Variants in PCDHGB1 observed in about 807,000 individuals in gnomAD.
PCDHGB1 encodes the protein protocadherin gamma subfamily B, 1.
A neutral mutation model predicts 56.6 loss-of-function variants in PCDHGB1; 34 were observed. The observed-to-expected ratio is 0.60, with a 90% confidence interval of 0.46 to 0.80. The LOEUF (loss-of-function observed/expected upper bound fraction) is 0.80, where lower values mean the gene tolerates loss of function less well. PCDHGB1 is among the 30% of genes least tolerant of loss of function. PCDHGB1 has a pLI of 0.00. For synonymous variants in PCDHGB1, 561 were observed against 505.9 expected (o/e 1.11, Z -1.46); for missense variants, 1,278 against 1,204.6 (o/e 1.06, Z -0.90).
chr5:141,352,413 A>C lies in PCDHGB1; in HGVS notation c.2153A>C (p.Asp718Ala), dbSNP rs1759005544. ...CGCCTGCGACGTTCCTCCAGCCTCGACACTGAGGGCTGCTTTCAAACCGGT... is the reference window on the plus strand; with the variant it reads ...CGCCTGCGACGTTCCTCCAGCCTCGCCACTGAGGGCTGCTTTCAAACCGGT... ...ALRLRRSSSL[D>A]TEGCFQTGLC... The change falls in exon 1 of 4, where the codon GAC (aspartate) becomes GCC (alanine). Residue 718 changes from aspartate to alanine, a missense_variant. Asp to Ala is a moderately radical substitution (Grantham distance 126). Transcript: ENST00000523390. 1.9e-6 allele frequency: 3 copies of C among 1,613,844 alleles called. No individual in the cohort carries two copies. The highest frequency in any genetic ancestry group is 2.2e-5 in the South Asian group (2 of 91,086).
At chr5:141,405,450 T>G in intron 1 of PCDHGB1, 7 of 1,286,684 alleles carry the variant, frequency 5.4e-6, no homozygotes, top group South Asian at 1.4e-5. Flanking sequence ...GACAGAGTCT[T>G]ACTCTGTTAC....
At chr5:141,465,141 A>AT (rs1341872532) in intron 1 of PCDHGB1, among the ~76,000 whole-genome samples, 2 of 151,678 alleles carry the variant, frequency 1.3e-5, no homozygotes, top group Non-Finnish European at 2.9e-5. Flanking sequence ...AGTTTAGGGG[A>AT]TATATGAAGG....
At chr5:141,415,437 G>A in intron 1 of PCDHGB1, 1 of 1,614,200 alleles carries the variant, frequency 6.2e-7, no homozygotes, top group Non-Finnish European at 8.5e-7. Flanking sequence ...GGGCTTTCCT[G>A]CAGACCTATT....
intron 1 of PCDHGB1, chr5:141,419,230 C>G (rs1439568232): frequency 6.2e-7 from 1 of 1,613,910 alleles, no homozygotes; most frequent in Non-Finnish European, 8.5e-7. Context: ...AGTCAGCCTA[C>G]CTGGTCCACG....
At position 141,485,222 on chromosome 5, in the gene PCDHGB1, C is replaced by T; in HGVS notation, c.2410-9585C>T. On this transcript the variant is annotated intron_variant, in intron 1 of 3. Transcript: ENST00000523390. The surrounding 1 kb of genome is among the most constrained non-coding windows in gnomAD (Gnocchi z 5.7). The stretch of plus-strand genomic sequence containing the variant: ...GACAGAAATCTGGCGGTGGGCTACC[C>T]TTTTGTTCCTCTTTTACCACCTGGG... 4 of 1,614,196 alleles carry T rather than the reference C, an allele frequency of 2.5e-6. No homozygotes were observed. Among genetic ancestry groups the T allele is most frequent in the Non-Finnish European group, 2.5e-6 (3 of 1,180,020 alleles).
chr5:141,408,660 C>A, intron 1 of PCDHGB1: 3 of 1,613,980 alleles, frequency 1.9e-6, no homozygotes, highest in Non-Finnish European at 1.7e-6. Flanking sequence ...ACACGACTAT[C>A]GCTTGACCCT....
At chr5:141,412,479 T>G (rs1282087411) in intron 1 of PCDHGB1, 1 of 152,180 alleles carries the variant, frequency 6.6e-6, no homozygotes, top group African/African-American at 2.4e-5. Context: ...TTTAAAAACC[T>G]CTTACACAAT....
At chr5:141,461,830 CTT>C (rs1030113508) in intron 1 of PCDHGB1, among the ~76,000 whole-genome samples, 1 of 145,180 alleles carries the variant, frequency 6.9e-6, no homozygotes, top group Non-Finnish European at 1.5e-5. Context: ...ATTTTTTTTT[CTT>C]TTTTTTTTGA....
intron 1 of PCDHGB1, chr5:141,367,864 T>C (rs960069997): frequency 1.1e-4 from 16 of 152,208 alleles, no homozygotes; most frequent in African/African-American, 3.9e-4. Flanking sequence ...TCTTTAAGTG[T>C]AGGTGCAATT....
At chr5:141,365,599 C>T (rs368039042) in intron 1 of PCDHGB1, 3 of 1,613,520 alleles carry the variant, frequency 1.9e-6, no homozygotes, top group Admixed American at 1.7e-5. Flanking sequence ...TCACTTTAAC[C>T]GTCATGGACC....
chr5:141,471,047 T>C (rs1270779800), intron 1 of PCDHGB1, among the ~76,000 whole-genome samples: 3 of 63,666 alleles, frequency 4.7e-5, no homozygotes. Flanking sequence ...CCAAGCCCTC[T>C]TTTTTTTTTT....
At chr5:141,397,626 C>G (rs539348100) in intron 1 of PCDHGB1, among the ~76,000 whole-genome samples, 27 of 152,256 alleles carry the variant, frequency 1.8e-4, no homozygotes, top group Middle Eastern at 3.4e-3. Context: ...TTAGTTCTAG[C>G]TAAGAGTTCA....
chr5:141,385,325 T>C (rs1781126490), intron 1 of PCDHGB1: 2 of 1,606,594 alleles, frequency 1.2e-6, no homozygotes, highest in Admixed American at 3.4e-5. Flanking sequence ...AGTATTCAGG[T>C]GAGCCCAGCC....
At chr5:141,415,747 T>G (rs774746065) in intron 1 of PCDHGB1, 22 of 797,580 alleles carry the variant, frequency 2.8e-5, no homozygotes, top group Middle Eastern at 5.1e-4. Context: ...AAGGTTTTTT[T>G]TTTTTTTTTT....
chr5:141,420,722 A>T (rs1428516588), intron 1 of PCDHGB1, among the ~76,000 whole-genome samples: 4 of 152,226 alleles, frequency 2.6e-5, no homozygotes, highest in Admixed American at 6.5e-5. Flanking sequence ...CGTTCCTTTC[A>T]GTCGGTTAAA....
In PCDHGB1 at chr5:141,476,316, G is replaced by A. The variant is rs536532455; in HGVS notation, c.2410-18491G>A. On this transcript the variant is annotated intron_variant, in intron 1 of 3. Coordinates refer to ENST00000523390, the MANE Select transcript of PCDHGB1 (RefSeq NM_018922.3). This position sits in a 1 kb window ranked among gnomAD's most constrained non-coding sequence, Gnocchi z 7.6. ...GGTAGCCTCTCAGCCCGCAGGTTCC[G>A]GGTGGTGTCTGGAGCTAGCCGAAGA... is the stretch of plus-strand genomic sequence containing the variant. The A allele has an allele frequency of 6.2e-7, 1 of 1,614,176 alleles. No individual in the cohort carries two copies. The highest frequency in any genetic ancestry group is 1.7e-5 in the Admixed American group (1 of 60,028).
rs148119281 is a variant in PCDHGB1, at chr5:141,511,006, C to T, written c.2617C>T (p.Arg873Cys). The T allele has an allele frequency of 3.5e-5, 56 of 1,614,078 alleles. No individual in the cohort carries two copies. Among genetic ancestry groups the T allele is most frequent in the African/African-American group, 5.3e-5 (4 of 74,922 alleles). The change falls in exon 4 of 4, where the codon CGC (arginine) becomes TGC (cysteine). Residue 873 changes from arginine to cysteine, a missense_variant. By Grantham distance (180) the Arg-to-Cys change is radical. Transcript: ENST00000523390. Reference protein sequence around the residue: ...GGAGTMGLSARYGPQFTLQHV... With the variant: ...GGAGTMGLSACYGPQFTLQHV... ...TGCCGGCACCATGGGATTGAGCGCC[C>T]GCTACGGACCCCAGTTCACCCTGCA...
At chr5:141,375,021 G>C (rs780712160) in intron 1 of PCDHGB1, 3 of 1,614,036 alleles carry the variant, frequency 1.9e-6, no homozygotes, top group Non-Finnish European at 2.5e-6. Context: ...GAGGACTCGA[G>C]TTTTTATGAG....
At chr5:141,425,111 A>C (rs2096857405) in intron 1 of PCDHGB1, among the ~76,000 whole-genome samples, 1 of 152,144 alleles carries the variant, frequency 6.6e-6, no homozygotes, top group Non-Finnish European at 1.5e-5. Flanking sequence ...AGATGCCTAC[A>C]TTTTTCTTGA....
Sources: gnomAD v4.1 joint callset for allele counts (sites outside exome capture counted in the v4.1 genomes callset) on GRCh38, gnomAD v4.1.1 for gene constraint, Gnocchi (gnomAD v3.1) non-coding constraint, MANE v1.5 for transcripts, NCBI Gene and HGNC (gene_info 2026-07-23, HGNC 2026-07-21) for gene names.